Variants in TBC1D9 observed in about 807,000 individuals in gnomAD.
The protein encoded by TBC1D9 is TBC1 domain family member 9A.
Under a neutral mutation model 132.0 loss-of-function variants are expected in TBC1D9, and 63 were observed. The ratio of observed to expected loss-of-function variants is 0.48; its 90% CI spans 0.39 to 0.59. The LOEUF (loss-of-function observed/expected upper bound fraction) is 0.59. Among genes scored for constraint, TBC1D9 ranks in the 20% least tolerant of loss-of-function variants. The pLI is 0.00. For missense variants in TBC1D9, 1,261 were observed against 1,592.7 expected, an observed-to-expected ratio of 0.79 and a Z score of 3.54; for synonymous variants, 610 against 609.9, an observed-to-expected ratio of 1.00 and a Z score of 0.00.
rs751400716 is a variant in TBC1D9 at position 140,670,834 on chromosome 4, G to A, written c.1152C>T (p.Asn384=). 1 of 1,614,044 alleles carries A rather than the reference G, an allele frequency of 6.2e-7. No individual in the cohort carries two copies. The highest frequency in any genetic ancestry group is 8.5e-7 in the Non-Finnish European group (1 of 1,179,898). The change falls in exon 7 of 21, where the codon AAC becomes AAT. Residue 384 remains asparagine (N), a synonymous_variant. Coordinates refer to ENST00000442267, the MANE Select transcript of TBC1D9 (RefSeq NM_015130.3). ...TRNRMTFLFA[N]LKDRDFLVQR... ...GCACTAGAAAGTCTCTATCTTTCAA[G>A]TTGGCAAATAGGAAGGTCATCCTGT...
In TBC1D9 at chr4:140,701,609, G is replaced by T. The variant is rs1202835583; in HGVS notation, c.136C>A (p.Leu46Met). 1.2e-6 allele frequency: 2 copies of T among 1,613,596 alleles called. No individual in the cohort carries two copies. The highest frequency in any genetic ancestry group is 1.6e-4 in the Middle Eastern group (1 of 6,062). Residue 46 changes from leucine (L) to methionine (M), a missense_variant, in exon 2 of 21, where the codon CTG becomes ATG. Coordinates refer to ENST00000442267, the MANE Select transcript of TBC1D9 (RefSeq NM_015130.3). ...AACACAACATCAAGGGTACCCACCA[G>T]CAGGCCTGAGGGTGGAAAGTGGGGA... ...GGGGGGLAGLLVGTLDVVLDS... is the reference protein window; with the variant it reads ...GGGGGGLAGLMVGTLDVVLDS...
Position 140,752,766 on chromosome 4 carries a change from T to G in TBC1D9, c.130+3150A>C, listed in dbSNP as rs556880422. The stretch of plus-strand genomic sequence containing the variant: ...AATCAGGAACCTAGAATATCTTAAT[T>G]TTTAAAAAATGTTAAGTGTCCTCAA... On this transcript the variant is annotated intron_variant, in intron 1 of 20. Transcript: ENST00000442267. Among the ~76,000 whole-genome samples, 11 of 152,272 alleles carry G rather than the reference T, an allele frequency of 7.2e-5. No individual in the cohort carries two copies. The South Asian group carries it at 2.3e-3, about 32-fold the overall frequency.
chr4:140,737,690 G>A (rs1738697622), intron 1 of TBC1D9, among the ~76,000 whole-genome samples: 1 of 152,184 alleles, frequency 6.6e-6, no homozygotes. Flanking sequence ...GAAAGGCTAA[G>A]AGAATTTCCT....
chr4:140,749,467 G>A (rs779756781), intron 1 of TBC1D9, among the ~76,000 whole-genome samples: 3 of 152,072 alleles, frequency 2.0e-5, no homozygotes, highest in Non-Finnish European at 4.4e-5. Context: ...TTAAATCCAA[G>A]TCACATGGAC....
chr4:140,743,869 G>C (rs1488959876), intron 1 of TBC1D9, among the ~76,000 whole-genome samples: 1 of 152,192 alleles, frequency 6.6e-6, no homozygotes, highest in East Asian at 1.9e-4. Flanking sequence ...TGTCCCTAGA[G>C]CAGCAGGTCT....
At position 140,628,344 on chromosome 4, in the gene TBC1D9, A is replaced by G; in HGVS notation, c.2768T>C (p.Leu923Pro). 6.2e-7 allele frequency: 1 copy of G among 1,613,950 alleles called. No homozygotes were observed. The highest frequency in any genetic ancestry group is 8.5e-7 in the Non-Finnish European group (1 of 1,179,806). Residue 923 changes from leucine to proline, a missense_variant, in exon 17 of 21, where the codon CTC (leucine) becomes CCC (proline). By Grantham distance (98) the Leu-to-Pro change is moderately conservative. Transcript: ENST00000442267. ...SGLSAACHGDLTEKLKLLYKM... is the reference protein window; with the variant it reads ...SGLSAACHGDPTEKLKLLYKM... ...GTACAGGAGTTTGAGCTTCTCTGTG[A>G]GGTCCCCATGGCATGCAGCACCTAG...
chr4:140,635,315 GA>G (rs75753621), intron 15 of TBC1D9, among the ~76,000 whole-genome samples: 36,408 of 151,444 alleles, frequency 0.24, 6,142 homozygotes, highest in African/African-American at 0.48. Context: ...CTGTCTCTAT[GA>G]AAAAAAAGTT....
intron 2 of TBC1D9, among the ~76,000 whole-genome samples, chr4:140,695,489 A>G (rs929798599): frequency 6.6e-6 from 1 of 152,156 alleles, no homozygotes; most frequent in South Asian, 2.1e-4. Context: ...TTCCTTTATT[A>G]GCCCTTTTTG....
chr4:140,721,383 G>A (rs1738421346), intron 1 of TBC1D9, among the ~76,000 whole-genome samples: 2 of 152,134 alleles, frequency 1.3e-5, no homozygotes. Context: ...AGACATACAT[G>A]CAATTATTAT....
intron 18 of TBC1D9, among the ~76,000 whole-genome samples, chr4:140,626,722 T>G (rs1736714407): frequency 1.3e-5 from 2 of 152,234 alleles, no homozygotes; most frequent in Admixed American, 1.3e-4. Flanking sequence ...CACATCTTTG[T>G]AGACCTATCA....
chr4:140,752,210 G>A (rs1429358505), intron 1 of TBC1D9, among the ~76,000 whole-genome samples: 8 of 152,008 alleles, frequency 5.3e-5, no homozygotes, highest in Admixed American at 1.3e-4. Flanking sequence ...ATAAATTGTG[G>A]TATACTCATA....
chr4:140,709,890 G>A (rs1366386363), intron 1 of TBC1D9, among the ~76,000 whole-genome samples: 1 of 152,184 alleles, frequency 6.6e-6, no homozygotes, highest in Non-Finnish European at 1.5e-5. Flanking sequence ...GAAACGAGGT[G>A]GAGCTCAAAT....
chr4:140,695,766 C>T (rs891403284), intron 2 of TBC1D9, among the ~76,000 whole-genome samples: 1 of 152,172 alleles, frequency 6.6e-6, no homozygotes, highest in African/African-American at 2.4e-5. Flanking sequence ...CTCTCTGCTG[C>T]CTCTGGAACA....
chr4:140,709,884 C>T (rs1021911118), intron 1 of TBC1D9, among the ~76,000 whole-genome samples: 50 of 152,306 alleles, frequency 3.3e-4, no homozygotes, highest in African/African-American at 1.0e-3. Context: ...TGATTTGAAA[C>T]GAGGTGGAGC....
At position 140,702,405 on chromosome 4, in the gene TBC1D9, A is replaced by T. The variant is rs118010885; in HGVS notation, c.131-791T>A. 3.3e-5 allele frequency among the ~76,000 whole-genome samples: 5 copies of T among 152,352 alleles called. No homozygotes were observed. In the East Asian group the frequency reaches 9.6e-4, roughly 29 times the overall value. On this transcript the variant is annotated intron_variant, in intron 1 of 20. Coordinates refer to ENST00000442267, the MANE Select transcript of TBC1D9 (RefSeq NM_015130.3). ...AGAACAGGCTGTACCTTCTCTTTCT[A>T]GGAGGAAAATTGACAAGGAAAAGGA...
At chr4:140,662,876 TC>T (rs1416761098) in intron 9 of TBC1D9, among the ~76,000 whole-genome samples, 2 of 152,200 alleles carry the variant, frequency 1.3e-5, no homozygotes, top group Non-Finnish European at 2.9e-5. Context: ...GAAAATGAAC[TC>T]TTTTTTTATA....
intron 2 of TBC1D9, among the ~76,000 whole-genome samples, chr4:140,698,706 C>G (rs1488062314): frequency 1.4e-5 from 2 of 143,656 alleles, no homozygotes; most frequent in African/African-American, 2.7e-5. Context: ...CCACTGCACT[C>G]GAGCCTGGGC....
chr4:140,730,609 C>A (rs1299654205), intron 1 of TBC1D9, among the ~76,000 whole-genome samples: 1 of 152,006 alleles, frequency 6.6e-6, no homozygotes, highest in Non-Finnish European at 1.5e-5. Flanking sequence ...TGCTACAATC[C>A]CAGCTACTCA....
chr4:140,714,093 T>G (rs1258944412), intron 1 of TBC1D9, among the ~76,000 whole-genome samples: 2 of 152,220 alleles, frequency 1.3e-5, no homozygotes. Context: ...GGCAACCTTG[T>G]GCAGCCTTTC....
Sources: gnomAD v4.1 joint callset for allele counts (sites outside exome capture counted in the v4.1 genomes callset) on GRCh38, gnomAD v4.1.1 for gene constraint, MANE v1.5 for transcripts, NCBI Gene and HGNC (gene_info 2026-07-23, HGNC 2026-07-21) for gene names.